The following NCKAP5 variants were observed in gnomAD, a reference collection of about 807,000 sequenced individuals.
NCKAP5 encodes nck-associated protein 5.
A neutral mutation model predicts 167.0 loss-of-function variants in NCKAP5; 92 were observed. The ratio of observed to expected loss-of-function variants is 0.55; its 90% CI spans 0.47 to 0.66. NCKAP5 has a LOEUF of 0.66. NCKAP5 is among the 30% of genes least tolerant of loss of function. The pLI, the probability that NCKAP5 is intolerant of heterozygous loss-of-function variation, is 0.00. For synonymous variants in NCKAP5, 891 were observed against 877.4 expected, an observed-to-expected ratio of 1.02 and a Z score of -0.27; for missense variants, 2,378 against 2,315.0, an observed-to-expected ratio of 1.03 and a Z score of -0.56.
At chr2:132,808,232 A>G (rs1450791965) in intron 11 of NCKAP5, among the ~76,000 whole-genome samples, 1 of 151,832 alleles carries the variant, frequency 6.6e-6, no homozygotes, top group African/African-American at 2.4e-5. Context: ...TTTTGGTTGT[A>G]TCCTTTCCTG....
At chr2:133,337,879 T>C (rs1574737238) in intron 3 of NCKAP5, among the ~76,000 whole-genome samples, 5 of 152,220 alleles carry the variant, frequency 3.3e-5, no homozygotes. Context: ...AATGGACCAT[T>C]CTTATGATGA....
the NCKAP5 span, among the ~76,000 whole-genome samples, chr2:133,622,934 A>G: frequency 6.6e-6 from 1 of 152,030 alleles, no homozygotes; most frequent in Non-Finnish European, 1.5e-5. Flanking sequence ...AAACAGCATG[A>G]TACTGTATAA....
intron 16 of NCKAP5, among the ~76,000 whole-genome samples, chr2:132,758,271 C>G (rs1181114116): frequency 1.3e-5 from 2 of 151,996 alleles, no homozygotes; most frequent in Non-Finnish European, 2.9e-5. Context: ...TTCATGGCTG[C>G]GGTTTTTCAT....
chr2:133,300,213 G>A (rs1479214041), intron 4 of NCKAP5, among the ~76,000 whole-genome samples: 3 of 123,380 alleles, frequency 2.4e-5, no homozygotes, highest in Admixed American at 8.0e-5. Context: ...GGAGGAACTG[G>A]TACCATTCCT....
the NCKAP5 span, among the ~76,000 whole-genome samples, chr2:133,624,612 G>T: frequency 2.2e-4 from 33 of 152,102 alleles, no homozygotes; most frequent in Non-Finnish European, 4.0e-4. Context: ...AAACAAGTTG[G>T]CAATAATTAT....
At chr2:133,610,600 TAGA>T in the NCKAP5 span, among the ~76,000 whole-genome samples, 1 of 152,160 alleles carries the variant, frequency 6.6e-6, no homozygotes, top group Non-Finnish European at 1.5e-5. Context: ...TCCCAATATT[TAGA>T]AGAAGGCTAG....
At chr2:132,950,729 G>C (rs80205330) in intron 8 of NCKAP5, among the ~76,000 whole-genome samples, 1 of 152,026 alleles carries the variant, frequency 6.6e-6, no homozygotes, top group South Asian at 2.1e-4. Context: ...GCCTGCAGTT[G>C]CTTCTCATTT....
At chr2:133,212,043 A>G (rs548020325) in intron 5 of NCKAP5, among the ~76,000 whole-genome samples, 25 of 152,360 alleles carry the variant, frequency 1.6e-4, no homozygotes, top group Admixed American at 1.5e-3. Flanking sequence ...AAAGAGATTC[A>G]TATCACGAAA....
intron 2 of NCKAP5, among the ~76,000 whole-genome samples, chr2:133,523,650 T>G (rs1161260507): frequency 6.6e-6 from 1 of 152,170 alleles, no homozygotes; most frequent in African/African-American, 2.4e-5. Context: ...TTCAAGATGT[T>G]TTCCGGTCAG....
chr2:133,595,041 T>A, the NCKAP5 span, among the ~76,000 whole-genome samples: 7 of 152,134 alleles, frequency 4.6e-5, no homozygotes, highest in African/African-American at 1.7e-4. Context: ...AAGAAACAAC[T>A]GTGGATTCCC....
intron 6 of NCKAP5, among the ~76,000 whole-genome samples, chr2:133,034,196 A>G (rs984067144): frequency 1.3e-5 from 2 of 152,186 alleles, no homozygotes; most frequent in African/African-American, 4.8e-5. Context: ...AACCTTACAG[A>G]CCAGGAGAGA....
chr2:132,981,565 C>T (rs889726341), intron 7 of NCKAP5, among the ~76,000 whole-genome samples: 10 of 152,174 alleles, frequency 6.6e-5, no homozygotes, highest in South Asian at 2.1e-4. Flanking sequence ...CTCTTTCCCC[C>T]GGTTCACCCA....
At chr2:133,033,374 C>T (rs2149431288) in intron 6 of NCKAP5, among the ~76,000 whole-genome samples, 1 of 152,304 alleles carries the variant, frequency 6.6e-6, no homozygotes, top group East Asian at 1.9e-4. Flanking sequence ...TCAGGCAAGC[C>T]TTCCCTATAA....
chr2:133,492,102 C>T (rs1380450101), intron 3 of NCKAP5, among the ~76,000 whole-genome samples: 1 of 141,698 alleles, frequency 7.1e-6, no homozygotes, highest in African/African-American at 2.6e-5. Flanking sequence ...CCCATCCTGC[C>T]CCCAATCCCT....
chr2:133,213,676 C>T (rs1191445762), intron 5 of NCKAP5, 40 bp downstream of exon 5: 1 of 1,605,976 alleles, frequency 6.2e-7, no homozygotes. Flanking sequence ...CCAGAGACCT[C>T]TGGATGTTGT....
chr2:132,929,496 GA>G (rs1183347525), intron 8 of NCKAP5, among the ~76,000 whole-genome samples: 1 of 152,104 alleles, frequency 6.6e-6, no homozygotes, highest in African/African-American at 2.4e-5. Flanking sequence ...TCATATTTCA[GA>G]ATCTGAAAAG....
chr2:133,371,744 C>T (rs540219991), intron 3 of NCKAP5, among the ~76,000 whole-genome samples: 1 of 152,170 alleles, frequency 6.6e-6, no homozygotes, highest in South Asian at 2.1e-4. Context: ...GGAGCCACTC[C>T]CTCCTCAATT....
At chr2:132,860,047 T>C (rs2148710963) in intron 11 of NCKAP5, among the ~76,000 whole-genome samples, 1 of 152,312 alleles carries the variant, frequency 6.6e-6, no homozygotes, top group South Asian at 2.1e-4. Context: ...GAAGGAACTC[T>C]GCATAGAGAG....
At chr2:133,001,329 C>T (rs2149332306) in intron 6 of NCKAP5, among the ~76,000 whole-genome samples, 1 of 151,084 alleles carries the variant, frequency 6.6e-6, no homozygotes, top group South Asian at 2.1e-4. Context: ...AAGTGATTGT[C>T]CAGCCTCAGC....
Sources: gnomAD v4.1 joint callset for allele counts (sites outside exome capture counted in the v4.1 genomes callset) on GRCh38, gnomAD v4.1.1 for gene constraint, MANE v1.5 for transcripts, NCBI Gene and HGNC (gene_info 2026-07-23, HGNC 2026-07-21) for gene names.